Variants in MSRA observed in about 807,000 individuals in gnomAD.
MSRA encodes methionine sulfoxide reductase A.
Under a neutral mutation model 31.3 loss-of-function variants are expected in MSRA, and 54 were observed. The observed-to-expected ratio is 1.73, with a 90% CI of 1.39 to 2.17. The LOEUF is 2.17. Among genes scored for constraint, MSRA ranks in the 30% most tolerant of loss-of-function variants. The pLI is 0.00. For missense variants in MSRA, 507 were observed against 300.9 expected (o/e 1.69, Z -5.07); for synonymous variants, 169 against 116.5 (o/e 1.45, Z -2.90).
intron 1 of MSRA, among the ~76,000 whole-genome samples, chr8:10,105,514 C>G (rs1363069902): frequency 1.3e-5 from 2 of 152,176 alleles, no homozygotes; most frequent in African/African-American, 2.4e-5. Flanking sequence ...GAGTTTTACT[C>G]TATTATTTGC....
At chr8:10,063,676 C>G (rs889245108) in intron 1 of MSRA, among the ~76,000 whole-genome samples, 12 of 152,178 alleles carry the variant, frequency 7.9e-5, no homozygotes, top group African/African-American at 2.9e-4. Flanking sequence ...ACTAGCTAGT[C>G]TTTTCGGCCA....
intron 5 of MSRA, among the ~76,000 whole-genome samples, chr8:10,323,788 G>C (rs948526794): frequency 1.4e-5 from 2 of 146,914 alleles, no homozygotes; most frequent in Admixed American, 1.4e-4. Flanking sequence ...GTGTCTGTCT[G>C]TCTGCATGTC....
rs189029621 is a variant in MSRA at position 10,121,704 on chromosome 8, C to G, written c.142+67046C>G. On this transcript the variant is annotated intron_variant, in intron 1 of 5. Coordinates refer to ENST00000317173, the MANE Select transcript of MSRA (RefSeq NM_012331.5). The stretch of plus-strand genomic sequence containing the variant: ...TTTTTTTTTGAGACTGGATCTTGGT[C>G]TGTTTGCCTAGGCTGGCATGCAGCG... Among the ~76,000 whole-genome samples the G allele has an allele frequency of 3.1e-3, 478 of 151,832 alleles. 1 individual carries two copies. Among genetic ancestry groups the G allele is most frequent in the Non-Finnish European group, 5.6e-3 (380 of 67,956 alleles).
rs191427856 is a variant in MSRA, at chr8:10,279,535, A to G, written c.332-21999A>G. ...ACCCCCCACACGCCTTCTCTGTATG[A>G]CTGGTTTACGTCTCTGACTCTCCCG... On this transcript the variant is annotated intron_variant, in intron 3 of 5. Transcript: ENST00000317173. Among the ~76,000 whole-genome samples the G allele has an allele frequency of 2.2e-4, 33 of 152,144 alleles. 1 individual carries two copies. Among genetic ancestry groups the G allele is most frequent in the African/African-American group, 7.7e-4 (32 of 41,498 alleles).
chr8:10,251,098 G>C (rs1797892730), intron 3 of MSRA, among the ~76,000 whole-genome samples: 1 of 152,072 alleles, frequency 6.6e-6, no homozygotes, highest in Admixed American at 6.5e-5. Flanking sequence ...AGGAGGTCAG[G>C]TCATGTCACC....
At chr8:10,138,484 C>G (rs1802458259) in intron 1 of MSRA, among the ~76,000 whole-genome samples, 1 of 152,160 alleles carries the variant, frequency 6.6e-6, no homozygotes, top group African/African-American at 2.4e-5. Flanking sequence ...ATTCTTTGTT[C>G]CTTTGCCAGG....
chr8:10,404,234 A>G (rs1807650926), intron 5 of MSRA, among the ~76,000 whole-genome samples: 2 of 152,084 alleles, frequency 1.3e-5, no homozygotes, highest in Admixed American at 1.3e-4. Context: ...TCCTCCACAA[A>G]TAGCAAGGCA....
At chr8:10,232,076 C>T (rs1585228311) in intron 2 of MSRA, among the ~76,000 whole-genome samples, 1 of 152,160 alleles carries the variant, frequency 6.6e-6, no homozygotes, top group East Asian at 1.9e-4. Context: ...GCCACTCCTC[C>T]TATCCAGCCT....
chr8:10,144,386 CA>C (rs141235869), intron 1 of MSRA, among the ~76,000 whole-genome samples: 7,749 of 152,132 alleles, frequency 0.051, 281 homozygotes, highest in South Asian at 0.11. Context: ...TACCTAAAAC[CA>C]GCGTAATAGT....
intron 2 of MSRA, among the ~76,000 whole-genome samples, chr8:10,222,796 A>C (rs1229325805): frequency 2.0e-5 from 3 of 152,242 alleles, no homozygotes; most frequent in African/African-American, 7.2e-5. Context: ...AGTCGAACTC[A>C]TCAAAGCAGA....
At chr8:10,220,565 G>C (rs1336758173) in intron 2 of MSRA, among the ~76,000 whole-genome samples, 7 of 152,146 alleles carry the variant, frequency 4.6e-5, no homozygotes, top group Admixed American at 2.0e-4. Flanking sequence ...CCATATGCCT[G>C]TTGTCTCCTA....
intron 3 of MSRA, among the ~76,000 whole-genome samples, chr8:10,300,446 G>A (rs1800781570): frequency 1.3e-5 from 2 of 152,070 alleles, no homozygotes; most frequent in Admixed American, 1.3e-4. Flanking sequence ...AGTGGAGACG[G>A]GGTTACACCA....
At chr8:10,253,024 C>G (rs1797997597) in intron 3 of MSRA, among the ~76,000 whole-genome samples, 1 of 152,122 alleles carries the variant, frequency 6.6e-6, no homozygotes, top group Non-Finnish European at 1.5e-5. Flanking sequence ...TAGAGGTATC[C>G]CAAGTTTGCC....
chr8:10,376,068 T>C (rs1392459432), intron 5 of MSRA, among the ~76,000 whole-genome samples: 4 of 152,178 alleles, frequency 2.6e-5, no homozygotes, highest in Admixed American at 2.6e-4. Flanking sequence ...TCGTGCAGCT[T>C]GATTTGGTTC....
intron 1 of MSRA, among the ~76,000 whole-genome samples, chr8:10,167,112 C>T (rs1186776842): frequency 6.6e-6 from 1 of 152,190 alleles, no homozygotes; most frequent in Non-Finnish European, 1.5e-5. Context: ...TCTCCATTCT[C>T]TTCCAACACT....
chr8:10,189,981 T>C lies in MSRA; in HGVS notation c.143-17852T>C, dbSNP rs145248706. Among the ~76,000 whole-genome samples the C allele has an allele frequency of 4.2e-3, 640 of 152,316 alleles. 6 individuals carry two copies. The highest frequency in any genetic ancestry group is 0.015 in the African/African-American group (606 of 41,570). ...TCTATTTCAGATTTTCTATTTCTCG[T>C]GTTATTTTTTGGTGATTTGTATCTT... is the stretch of plus-strand genomic sequence containing the variant. On this transcript the variant is annotated intron_variant, in intron 1 of 5. Transcript: ENST00000317173.
chr8:10,140,194 G>A (rs1214768251), intron 1 of MSRA, among the ~76,000 whole-genome samples: 3 of 152,162 alleles, frequency 2.0e-5, no homozygotes, highest in South Asian at 4.1e-4. Context: ...AAGTCCTGTT[G>A]GTTCTGATTC....
intron 1 of MSRA, among the ~76,000 whole-genome samples, chr8:10,077,565 C>G (rs993808372): frequency 1.4e-5 from 2 of 147,974 alleles, no homozygotes; most frequent in African/African-American, 5.0e-5. Context: ...TCAAGTGACC[C>G]TCCCTCCTGA....
chr8:10,268,002 G>A lies in MSRA; in HGVS notation c.331+22779G>A, dbSNP rs1486308205. Among the ~76,000 whole-genome samples, 4 of 152,166 alleles carry A rather than the reference G, an allele frequency of 2.6e-5. No homozygotes were observed. The East Asian group carries it at 7.7e-4, about 29-fold the overall frequency. ...GCATATTTCCCTCATTGCATGTCCT[G>A]CGTCACAATGATGGCTTTGCTCCCT... On this transcript the variant is annotated intron_variant, in intron 3 of 5. Transcript: ENST00000317173.
Sources: allele counts gnomAD v4.1 joint callset (sites outside exome capture counted in the v4.1 genomes callset), GRCh38; gene constraint gnomAD v4.1.1; transcripts MANE v1.5; gene names NCBI Gene and HGNC (gene_info 2026-07-23, HGNC 2026-07-21).